PTPRU: variants seen among roughly 807,000 people sequenced by gnomAD.
PTPRU encodes the protein receptor-type tyrosine-protein phosphatase U.
A neutral mutation model predicts 166.3 loss-of-function variants in PTPRU; 69 were observed. That is an observed-to-expected ratio of 0.41 (90% CI 0.34 to 0.51). The LOEUF (loss-of-function observed/expected upper bound fraction) is 0.51, where lower values mean the gene tolerates loss of function less well. PTPRU is among the 20% of genes least tolerant of loss of function. The pLI is 0.09. For missense variants in PTPRU, 1,657 were observed against 2,013.7 expected (o/e 0.82, Z 3.39); for synonymous variants, 793 against 814.0 (o/e 0.97, Z 0.44).
chr1:29,254,159 C>T (rs923248669), intron 1 of PTPRU, among the ~76,000 whole-genome samples: 21 of 152,186 alleles, frequency 1.4e-4, no homozygotes, highest in African/African-American at 5.1e-4. Flanking sequence ...GCATGGTTTG[C>T]GCTTGCTTCC....
chr1:29,256,056 G>T (rs1363247819), intron 2 of PTPRU, among the ~76,000 whole-genome samples: 3 of 152,154 alleles, frequency 2.0e-5, no homozygotes, highest in South Asian at 4.2e-4. Context: ...CCTGTCTCCA[G>T]TCACTTTACC....
At chr1:29,259,635 C>T (rs915536775) in intron 5 of PTPRU, 71 bp downstream of exon 5, 5 of 1,409,948 alleles carry the variant, frequency 3.5e-6, no homozygotes, top group Non-Finnish European at 2.9e-6. Context: ...GGCCCTGACT[C>T]CCCCCAGATT....
At chr1:29,241,707 G>A (rs1684066023) in intron 1 of PTPRU, among the ~76,000 whole-genome samples, 1 of 151,352 alleles carries the variant, frequency 6.6e-6, no homozygotes, top group Non-Finnish European at 1.5e-5. Flanking sequence ...TGATTCTCCT[G>A]CCTCAGCCTC....
chr1:29,285,514 A>G (rs1425683482), intron 14 of PTPRU, among the ~76,000 whole-genome samples: 1 of 152,332 alleles, frequency 6.6e-6, no homozygotes, highest in South Asian at 2.1e-4. Context: ...AGAGGGCAGC[A>G]TATATCCCAG....
intron 13 of PTPRU, among the ~76,000 whole-genome samples, 164 bp downstream of exon 13, chr1:29,284,140 C>G (rs1686232717): frequency 6.6e-6 from 1 of 152,046 alleles, no homozygotes; most frequent in Non-Finnish European, 1.5e-5. Context: ...TGCCCTACCT[C>G]AAGGGCGCCT....
At chr1:29,324,328 G>A (rs1688306449) in intron 28 of PTPRU, among the ~76,000 whole-genome samples, 1 of 152,236 alleles carries the variant, frequency 6.6e-6, no homozygotes, top group Admixed American at 6.5e-5. Context: ...GTGCGGAGCT[G>A]AGTCAGTCCG....
In PTPRU at chr1:29,239,920, G is replaced by A. The variant is rs140149863; in HGVS notation, c.73+3203G>A. On this transcript the variant is annotated intron_variant, in intron 1 of 29. Transcript: ENST00000373779. ...CTTTGAAGGCTCCCCATTGCCTTCA[G>A]GGTGAAGTCCTTATCCCTTGGCCCT... Among the ~76,000 whole-genome samples, 319 of 152,276 alleles carry A rather than the reference G, an allele frequency of 2.1e-3. 2 individuals carry two copies. Among genetic ancestry groups the A allele is most frequent in the African/African-American group, 7.1e-3 (293 of 41,544 alleles).
intron 14 of PTPRU, among the ~76,000 whole-genome samples, chr1:29,286,129 A>G (rs1002899412): frequency 6.6e-6 from 1 of 152,140 alleles, no homozygotes; most frequent in Admixed American, 6.5e-5. Flanking sequence ...AGACACCAGC[A>G]AGAGAGAGAG....
chr1:29,271,006 G>C lies in PTPRU; in HGVS notation c.1145-4442G>C, dbSNP rs1255876900. Among the ~76,000 whole-genome samples, 1 of 152,184 alleles carries C rather than the reference G, an allele frequency of 6.6e-6. No individual in the cohort carries two copies. Among genetic ancestry groups the C allele is most frequent in the Non-Finnish European group, 1.5e-5 (1 of 68,028 alleles). ...AAAGAACTAATGAGAGGTGGAGATA[G>C]GATGTGAACTTGGGTGTACCAGATC... On this transcript the variant is annotated intron_variant, in intron 7 of 29. Coordinates refer to ENST00000373779, the MANE Select transcript of PTPRU (RefSeq NM_133178.4). This position sits in a 1 kb window ranked among gnomAD's most constrained non-coding sequence, Gnocchi z 4.4.
intron 1 of PTPRU, among the ~76,000 whole-genome samples, chr1:29,251,117 G>A (rs923777236): frequency 2.6e-5 from 4 of 152,210 alleles, no homozygotes; most frequent in African/African-American, 9.6e-5. Context: ...GCTGGGTATG[G>A]TGGCACGTGC....
chr1:29,294,006 G>A (rs1686772308), intron 15 of PTPRU, among the ~76,000 whole-genome samples: 1 of 152,168 alleles, frequency 6.6e-6, no homozygotes, highest in South Asian at 2.1e-4. Flanking sequence ...ATGGGCATTC[G>A]ATTGGTTTTT....
At position 29,304,864 on chromosome 1, in the gene PTPRU, A is replaced by G; in HGVS notation, c.2743+15A>G. ...AATGCCTGCCTGTGAGTCCTGGGGAAGGGCCTGGGGTCCAGGGCAGTGGGT... is the reference window on the plus strand; with the variant it reads ...AATGCCTGCCTGTGAGTCCTGGGGAGGGGCCTGGGGTCCAGGGCAGTGGGT... On this transcript the variant is annotated intron_variant, in intron 17 of 29. Coordinates refer to ENST00000373779, the MANE Select transcript of PTPRU (RefSeq NM_133178.4). The G allele has an allele frequency of 6.3e-7, 1 of 1,593,132 alleles. No homozygotes were observed. Among genetic ancestry groups the G allele is most frequent in the Non-Finnish European group, 8.6e-7 (1 of 1,164,202 alleles).
chr1:29,285,852 C>T (rs145894727), intron 14 of PTPRU, among the ~76,000 whole-genome samples: 348 of 152,306 alleles, frequency 2.3e-3, no homozygotes, highest in African/African-American at 7.8e-3. Context: ...ACCAGGCAGC[C>T]GTGGGACACT....
At position 29,237,850 on chromosome 1, in the gene PTPRU, C is replaced by T. The variant is rs901835274; in HGVS notation, c.73+1133C>T. Among the ~76,000 whole-genome samples the T allele has an allele frequency of 9.3e-4, 136 of 145,806 alleles. No individual in the cohort carries two copies. Among genetic ancestry groups the T allele is most frequent in the African/African-American group, 3.2e-3 (130 of 40,790 alleles). Reference sequence around the variant, plus strand: ...GGACCGGCGGGCGCTCCTGCGGTGGCCGGGCCGCGGCTGCGCCCCGGGCGG... The same window carrying T: ...GGACCGGCGGGCGCTCCTGCGGTGGTCGGGCCGCGGCTGCGCCCCGGGCGG... On this transcript the variant is annotated intron_variant, in intron 1 of 29. Transcript: ENST00000373779. This position sits in a 1 kb window ranked among gnomAD's most constrained non-coding sequence, Gnocchi z 6.4.
At chr1:29,266,697 G>C (rs904628192) in intron 7 of PTPRU, among the ~76,000 whole-genome samples, 1 of 152,186 alleles carries the variant, frequency 6.6e-6, no homozygotes, top group Non-Finnish European at 1.5e-5. Context: ...TGCTTATTGA[G>C]TGTCTATTAC....
chr1:29,237,968 C>T lies in PTPRU; in HGVS notation c.73+1251C>T, dbSNP rs1446764132. Among the ~76,000 whole-genome samples, 2 of 150,788 alleles carry T rather than the reference C, an allele frequency of 1.3e-5. No individual in the cohort carries two copies. The highest frequency in any genetic ancestry group is 3.0e-5 in the Non-Finnish European group (2 of 67,628). On this transcript the variant is annotated intron_variant, in intron 1 of 29. Transcript: ENST00000373779. The surrounding 1 kb of genome is among the most constrained non-coding windows in gnomAD (Gnocchi z 6.4). ...GGGGACGGCGCCCCCTCCCTTGGCGCGCAGGACGCGCGGGGGACGCCCGGG... is the reference window on the plus strand; with the variant it reads ...GGGGACGGCGCCCCCTCCCTTGGCGTGCAGGACGCGCGGGGGACGCCCGGG...
Position 29,259,477 on chromosome 1 carries a change from C to T in PTPRU, c.588C>T (p.Gly196=), listed in dbSNP as rs1211584653. The T allele has an allele frequency of 6.2e-7, 1 of 1,612,130 alleles. No homozygotes were observed. Residue 196 remains glycine (G), a synonymous_variant, in exon 5 of 30, where the codon GGC becomes GGT. Transcript: ENST00000373779. ...CAKAPHFSRL[G]DVEVNAGQNA... is the part of the protein sequence containing the mutation. ...AGGCCCCACACTTCTCCCGCCTGGG[C>T]GACGTGGAGGTCAACGCGGGCCAGA...
intron 12 of PTPRU, 99 bp downstream of exon 12, chr1:29,283,048 G>GCACTTCCCATAGCCC: frequency 2.0e-6 from 3 of 1,501,882 alleles, no homozygotes; most frequent in Non-Finnish European, 2.7e-6. Flanking sequence ...TCCAGGCCCG[G>GCACTTCCCATAGCCC]CACTTCCCAT....
At chr1:29,312,451 T>C in intron 21 of PTPRU, 101 bp from the exon 22 acceptor site, 1 of 1,140,884 alleles carries the variant, frequency 8.8e-7, no homozygotes, top group Non-Finnish European at 1.2e-6. Context: ...TAGTTGAGAT[T>C]ATACAATGAG....
Sources: allele counts gnomAD v4.1 joint callset (sites outside exome capture counted in the v4.1 genomes callset), GRCh38; gene constraint gnomAD v4.1.1; non-coding constraint Gnocchi (gnomAD v3.1); transcripts MANE v1.5; gene names NCBI Gene and HGNC (gene_info 2026-07-23, HGNC 2026-07-21).